NRG1: variants seen among roughly 807,000 people sequenced by gnomAD.
NRG1 encodes the protein neuregulin 1.
Under a neutral mutation model 63.8 loss-of-function variants are expected in NRG1, and 18 were observed. The ratio of observed to expected loss-of-function variants is 0.28; its 90% confidence interval spans 0.19 to 0.42. NRG1 has a LOEUF of 0.42. NRG1 is among the 10% of genes least tolerant of loss of function. The pLI is 1.00. For synonymous variants in NRG1, 302 were observed against 301.3 expected (o/e 1.00, Z -0.02); for missense variants, 762 against 814.7 (o/e 0.94, Z 0.79).
At chr8:32,691,475 G>T (rs1474666468) in intron 5 of NRG1, among the ~76,000 whole-genome samples, 8 of 152,088 alleles carry the variant, frequency 5.3e-5, no homozygotes, top group Admixed American at 3.9e-4. Context: ...ATTTTTCCAG[G>T]ACCACATTTC....
intron 1 of NRG1, among the ~76,000 whole-genome samples, chr8:32,035,396 C>A (rs887715378): frequency 6.6e-6 from 1 of 152,030 alleles, no homozygotes; most frequent in East Asian, 1.9e-4. Flanking sequence ...ACATGTGGCA[C>A]CGAGAAGAAT....
rs1293395859 is a variant in NRG1, at chr8:32,712,318, A to C, written c.503-15631A>C. On this transcript the variant is annotated intron_variant, in intron 5 of 11. Transcript: ENST00000356819. ...ATTTTGGATGCTGTGTTTTATGGAA[A>C]TTGTCTGTAAAGAGTCTACTAGCCT... Among the ~76,000 whole-genome samples the C allele has an allele frequency of 2.6e-5, 4 of 152,130 alleles. No homozygotes were observed. In the East Asian group the frequency reaches 7.7e-4, roughly 29 times the overall value.
intron 1 of NRG1, among the ~76,000 whole-genome samples, chr8:31,849,841 A>G (rs939832485): frequency 1.3e-5 from 2 of 152,148 alleles, no homozygotes; most frequent in African/African-American, 4.8e-5. Flanking sequence ...TCAGTAATGT[A>G]CTTCTCTAAG....
intron 1 of NRG1, among the ~76,000 whole-genome samples, chr8:31,728,017 C>T (rs1346149515): frequency 3.3e-5 from 5 of 152,028 alleles, no homozygotes; most frequent in Admixed American, 1.3e-4. Context: ...CAGGACAGAG[C>T]GGGACAGTGG....
intron 1 of NRG1, among the ~76,000 whole-genome samples, chr8:31,916,697 T>G (rs1833420040): frequency 6.6e-6 from 1 of 152,182 alleles, no homozygotes; most frequent in African/African-American, 2.4e-5. Flanking sequence ...CAGCATGATT[T>G]ATAATCCTTT....
chr8:32,094,726 A>G (rs1829654835), intron 1 of NRG1, among the ~76,000 whole-genome samples: 1 of 151,766 alleles, frequency 6.6e-6, no homozygotes, highest in Non-Finnish European at 1.5e-5. Context: ...TGGTTCTGTC[A>G]CCTCAGAACT....
At chr8:32,460,401 C>A (rs17716295) in intron 1 of NRG1, among the ~76,000 whole-genome samples, 41,831 of 152,122 alleles carry the variant, frequency 0.27, 6,134 homozygotes, top group South Asian at 0.35. Context: ...CTGTACACGA[C>A]CTGTTAAAAC....
chr8:32,761,987 T>G (rs1228416027), intron 11 of NRG1, among the ~76,000 whole-genome samples: 2 of 131,670 alleles, frequency 1.5e-5, no homozygotes, highest in Non-Finnish European at 3.1e-5. Flanking sequence ...TGCAGTGAGC[T>G]GAGATGGTGC....
intron 5 of NRG1, among the ~76,000 whole-genome samples, chr8:32,631,897 A>T (rs969396794): frequency 1.3e-5 from 2 of 152,130 alleles, no homozygotes; most frequent in Non-Finnish European, 2.9e-5. Context: ...GGGTGGACAC[A>T]CTTGTTCTTA....
chr8:32,187,921 C>T (rs1475937553), intron 1 of NRG1, among the ~76,000 whole-genome samples: 4 of 152,144 alleles, frequency 2.6e-5, no homozygotes, highest in African/African-American at 7.2e-5. Context: ...CCTTGGTATG[C>T]CAGTGCAGAG....
intron 1 of NRG1, among the ~76,000 whole-genome samples, chr8:32,425,136 G>A (rs1817198147): frequency 6.6e-6 from 1 of 152,118 alleles, no homozygotes. Flanking sequence ...TGAATATGAA[G>A]GAGGCCAAAT....
intron 1 of NRG1, among the ~76,000 whole-genome samples, chr8:32,015,412 T>C (rs926606851): frequency 2.6e-5 from 4 of 151,956 alleles, no homozygotes; most frequent in East Asian, 1.9e-4. Context: ...AGAAAAGTTT[T>C]AGTATTACAA....
chr8:32,263,318 A>G (rs775473427), intron 1 of NRG1, among the ~76,000 whole-genome samples: 3 of 152,202 alleles, frequency 2.0e-5, no homozygotes, highest in Non-Finnish European at 4.4e-5. Flanking sequence ...AGGAGGCCCC[A>G]AAGCATGTGT....
At chr8:32,412,437 T>TATATATAC (rs1815171997) in intron 1 of NRG1, among the ~76,000 whole-genome samples, 1 of 33,820 alleles carries the variant, frequency 3.0e-5, no homozygotes, top group Admixed American at 3.3e-4. Flanking sequence ...TATATATATA[T>TATATATAC]ATATATATAT....
chr8:32,094,072 G>A (rs1829565406), intron 1 of NRG1, among the ~76,000 whole-genome samples: 1 of 152,190 alleles, frequency 6.6e-6, no homozygotes, highest in Non-Finnish European at 1.5e-5. Context: ...TAGGGGGTTT[G>A]TGTTTGGATT....
At chr8:32,137,691 G>A (rs554087205) in intron 1 of NRG1, among the ~76,000 whole-genome samples, 10 of 152,092 alleles carry the variant, frequency 6.6e-5, no homozygotes, top group South Asian at 6.2e-4. Context: ...CTCCACCTCC[G>A]CTTTCCTTGA....
intron 5 of NRG1, chr8:32,647,426 C>T: frequency 1.0e-6 from 1 of 985,386 alleles, no homozygotes; most frequent in Non-Finnish European, 1.2e-6. Flanking sequence ...CTATTTTCGT[C>T]CCTGTCCTCT....
At chr8:32,107,264 C>T (rs949565149) in intron 1 of NRG1, among the ~76,000 whole-genome samples, 35 of 152,008 alleles carry the variant, frequency 2.3e-4, no homozygotes, top group African/African-American at 7.5e-4. Flanking sequence ...CAATTGGGAT[C>T]TATTTTTAGT....
intron 1 of NRG1, among the ~76,000 whole-genome samples, chr8:32,036,921 A>T (rs1165661824): frequency 6.6e-6 from 1 of 152,160 alleles, no homozygotes; most frequent in East Asian, 1.9e-4. Flanking sequence ...CATCTTCTGA[A>T]GCCTACTTCT....
Sources: gnomAD v4.1 joint callset for allele counts (sites outside exome capture counted in the v4.1 genomes callset) on GRCh38, gnomAD v4.1.1 for gene constraint, MANE v1.5 for transcripts, NCBI Gene and HGNC (gene_info 2026-07-23, HGNC 2026-07-21) for gene names.